The following MICU3 variants were observed in gnomAD, a reference collection of about 807,000 sequenced individuals.
MICU3 encodes calcium uptake protein 3, mitochondrial.
A neutral mutation model predicts 66.5 loss-of-function variants in MICU3; 62 were observed. The observed-to-expected ratio is 0.93, with a 90% CI of 0.76 to 1.15. The LOEUF (loss-of-function observed/expected upper bound fraction) is 1.15, where lower values mean the gene tolerates loss of function less well. Among genes scored for constraint, MICU3 ranks in the 50% most tolerant of loss-of-function variants. The probability of loss-of-function intolerance (pLI) is 0.00; values close to 1 mark genes in which losing one functional copy is unlikely to be tolerated. For synonymous variants in MICU3, 308 were observed against 240.7 expected, an observed-to-expected ratio of 1.28 and a Z score of -2.59; for missense variants, 779 against 664.4, an observed-to-expected ratio of 1.17 and a Z score of -1.90.
chr8:17,132,066 G>A, the MICU3 span: 2 of 152,140 alleles, frequency 1.3e-5, no homozygotes, highest in Non-Finnish European at 2.9e-5. Flanking sequence ...TGCATACAGT[G>A]CTGTGGCTAT....
In MICU3 at chr8:17,105,391, CTTT is replaced by C. The variant is rs1563385924; in HGVS notation, c.1086-21_1086-19del. On this transcript the variant is annotated intron_variant, in intron 10 of 14. Transcript: ENST00000318063. ...TTACTCTTTCTTTATCTTTTTCCTT[CTTT>C]ATTACATTTTTGTCATAGATTCATG... 6 of 1,413,010 alleles carry C rather than the reference CTTT, an allele frequency of 4.2e-6. No homozygotes were observed. Among genetic ancestry groups the C allele is most frequent in the Non-Finnish European group, 4.8e-6 (5 of 1,033,788 alleles). 87.5% of individuals were successfully genotyped at this position (1,413,010 alleles called of 1,614,324 possible). A position where few individuals can be genotyped will look rare whatever the true frequency, so the allele number is the denominator to read the frequency against.
chr8:17,031,262 T>TTTTTTTATTATTATTATTA (rs111800861), intron 1 of MICU3, among the ~76,000 whole-genome samples: 1 of 139,194 alleles, frequency 7.2e-6, no homozygotes, highest in African/African-American at 2.7e-5. Context: ...TGCCACTTCA[T>TTTTTTTATTATTATTATTA]TTATTATTAT....
chr8:17,073,808 A>C (rs1819963096), intron 3 of MICU3, among the ~76,000 whole-genome samples: 1 of 152,230 alleles, frequency 6.6e-6, no homozygotes, highest in Non-Finnish European at 1.5e-5. Context: ...GGATAAATGT[A>C]GAATTACAGA....
At chr8:17,087,202 T>C (rs1371224024) in intron 7 of MICU3, among the ~76,000 whole-genome samples, 167 bp downstream of exon 7, 2 of 152,100 alleles carry the variant, frequency 1.3e-5, no homozygotes, top group Non-Finnish European at 2.9e-5. Flanking sequence ...TGCATTGATA[T>C]CAATATTTAC....
At chr8:17,070,440 G>T (rs1819381884) in intron 3 of MICU3, among the ~76,000 whole-genome samples, 1 of 151,898 alleles carries the variant, frequency 6.6e-6, no homozygotes, top group Admixed American at 6.6e-5. Flanking sequence ...TATTATTTAG[G>T]ATACATTCAT....
intron 3 of MICU3, among the ~76,000 whole-genome samples, chr8:17,073,975 A>T (rs963922003): frequency 5.9e-5 from 9 of 152,190 alleles, no homozygotes; most frequent in Admixed American, 5.2e-4. Context: ...AACTATTTTC[A>T]TCATAATATT....
At chr8:17,129,920 TATC>T in the MICU3 span, among the ~76,000 whole-genome samples, 1 of 152,184 alleles carries the variant, frequency 6.6e-6, no homozygotes, top group Non-Finnish European at 1.5e-5. Context: ...AGTGCTGACT[TATC>T]AGTAATAATG....
At chr8:17,086,103 ATTTTC>A (rs1457724377) in intron 6 of MICU3, among the ~76,000 whole-genome samples, 1 of 151,892 alleles carries the variant, frequency 6.6e-6, no homozygotes, top group Non-Finnish European at 1.5e-5. Context: ...ATCAACAGCC[ATTTTC>A]TTTTCTTCTT....
intron 6 of MICU3, among the ~76,000 whole-genome samples, chr8:17,086,432 C>A (rs2150742942): frequency 1.3e-5 from 2 of 152,240 alleles, no homozygotes; most frequent in South Asian, 4.1e-4. Flanking sequence ...CTGAGCCAAG[C>A]CACTGGAGCT....
At chr8:17,135,549 C>T in the MICU3 span, among the ~76,000 whole-genome samples, 1 of 152,046 alleles carries the variant, frequency 6.6e-6, no homozygotes, top group African/African-American at 2.4e-5. Context: ...TTCTGGTGGG[C>T]AGTCATATTA....
rs1585475728 is a variant in MICU3 at position 17,095,957 on chromosome 8, A to G, written c.889-2501A>G. ...TGAACTTAAGCAAAAAATGTGTCAC[A>G]CTTACAGGGCACACTACATGCAGGA... On this transcript the variant is annotated intron_variant, in intron 8 of 14. Coordinates refer to ENST00000318063, the MANE Select transcript of MICU3 (RefSeq NM_181723.3). 3.3e-5 allele frequency among the ~76,000 whole-genome samples: 5 copies of G among 152,076 alleles called. 1 individual carries two copies. Among genetic ancestry groups the G allele is most frequent in the Admixed American group, 3.3e-4 (5 of 15,246 alleles).
At chr8:17,100,792 C>A (rs1395409886) in intron 9 of MICU3, among the ~76,000 whole-genome samples, 1 of 151,622 alleles carries the variant, frequency 6.6e-6, no homozygotes, top group East Asian at 1.9e-4. Context: ...AGAGCTAAGA[C>A]TACTTTCTAA....
chr8:17,057,288 A>C (rs1225706619), intron 1 of MICU3, among the ~76,000 whole-genome samples: 1 of 152,154 alleles, frequency 6.6e-6, no homozygotes, highest in Non-Finnish European at 1.5e-5. Flanking sequence ...CCAGGTACAG[A>C]CATTGGGAAA....
chr8:17,092,310 C>T (rs1337686189), intron 8 of MICU3, among the ~76,000 whole-genome samples: 3 of 151,644 alleles, frequency 2.0e-5, no homozygotes, highest in East Asian at 1.9e-4. Flanking sequence ...TAGAAAAATA[C>T]GTCTCAGAAT....
intron 1 of MICU3, among the ~76,000 whole-genome samples, chr8:17,047,877 G>A (rs1474123505): frequency 6.6e-6 from 1 of 152,118 alleles, no homozygotes; most frequent in Non-Finnish European, 1.5e-5. Context: ...AAGCAATGGA[G>A]AACAAAGAAA....
intron 1 of MICU3, among the ~76,000 whole-genome samples, chr8:17,045,227 C>T (rs899654919): frequency 4.6e-5 from 7 of 152,282 alleles, no homozygotes; most frequent in Admixed American, 2.0e-4. Context: ...GTTCCTGGCT[C>T]GTAACTACCA....
intron 2 of MICU3, among the ~76,000 whole-genome samples, chr8:17,068,419 G>T (rs1240765077): frequency 6.6e-6 from 1 of 152,102 alleles, no homozygotes; most frequent in Non-Finnish European, 1.5e-5. Context: ...ATAAGAGCAC[G>T]TGCATGTACT....
chr8:17,032,486 CT>C (rs1234878750), intron 1 of MICU3, among the ~76,000 whole-genome samples: 12 of 152,074 alleles, frequency 7.9e-5, no homozygotes, highest in Non-Finnish European at 1.5e-4. Context: ...CCTTAAAAAG[CT>C]TCAAGCAACA....
chr8:17,053,163 T>C (rs1195234950), intron 1 of MICU3, among the ~76,000 whole-genome samples: 1 of 152,190 alleles, frequency 6.6e-6, no homozygotes, highest in Non-Finnish European at 1.5e-5. Context: ...TTCTCATTTC[T>C]CTGTTTCACG....
Sources: gnomAD v4.1 joint callset for allele counts (sites outside exome capture counted in the v4.1 genomes callset) on GRCh38, gnomAD v4.1.1 for gene constraint, MANE v1.5 for transcripts, NCBI Gene and HGNC (gene_info 2026-07-23, HGNC 2026-07-21) for gene names.